MNAT1: variants seen among roughly 807,000 people sequenced by gnomAD.
MNAT1 encodes CDK-activating kinase assembly factor MAT1.
MNAT1 carries 43 observed loss-of-function variants against 42.0 expected under a neutral mutation model. The ratio of observed to expected loss-of-function variants is 1.02; its 90% CI spans 0.80 to 1.32. The LOEUF (loss-of-function observed/expected upper bound fraction) is 1.32, where lower values mean the gene tolerates loss of function less well. Among genes scored for constraint, MNAT1 ranks in the 40% most tolerant of loss-of-function variants. The probability of loss-of-function intolerance (pLI) is 0.00; values close to 1 mark genes in which losing one functional copy is unlikely to be tolerated. For missense variants in MNAT1, 306 were observed against 350.4 expected (o/e 0.87, Z 1.01); for synonymous variants, 118 against 120.0 (o/e 0.98, Z 0.11).
intron 6 of MNAT1, among the ~76,000 whole-genome samples, chr14:60,825,655 G>T (rs1329105018): frequency 6.6e-6 from 1 of 152,090 alleles, no homozygotes; most frequent in African/African-American, 2.4e-5. Flanking sequence ...TCTTTGAGAG[G>T]TTAGGTCACA....
chr14:60,889,766 C>A (rs1310592254), intron 7 of MNAT1, among the ~76,000 whole-genome samples: 1 of 152,046 alleles, frequency 6.6e-6, no homozygotes, highest in Non-Finnish European at 1.5e-5. Flanking sequence ...AAAAAACAAA[C>A]AACCCCATCA....
chr14:60,808,513 C>G, intron 4 of MNAT1, 85 bp downstream of exon 4: 1 of 798,438 alleles, frequency 1.3e-6, no homozygotes, highest in Non-Finnish European at 1.9e-6. Context: ...TTCCTTTAAA[C>G]CAGTTACATT....
intron 1 of MNAT1, among the ~76,000 whole-genome samples, chr14:60,764,603 T>C (rs2030738688): frequency 6.6e-6 from 1 of 152,190 alleles, no homozygotes; most frequent in Non-Finnish European, 1.5e-5. Flanking sequence ...TGAGAGGATT[T>C]GGTGATTCTG....
chr14:60,792,642 C>T (rs1186929548), intron 1 of MNAT1, among the ~76,000 whole-genome samples: 1 of 151,902 alleles, frequency 6.6e-6, no homozygotes, highest in Non-Finnish European at 1.5e-5. Flanking sequence ...TTCTTTTAGG[C>T]CAGTATGTTT....
chr14:60,787,956 A>C (rs2031703402), intron 1 of MNAT1, among the ~76,000 whole-genome samples: 1 of 152,114 alleles, frequency 6.6e-6, no homozygotes, highest in African/African-American at 2.4e-5. Context: ...TAATGTTAAT[A>C]TTTTTTATCT....
chr14:60,862,115 A>G (rs866023078), intron 6 of MNAT1, among the ~76,000 whole-genome samples: 1 of 152,312 alleles, frequency 6.6e-6, no homozygotes, highest in Middle Eastern at 3.4e-3. Flanking sequence ...CGTTTAAAAT[A>G]CAGATCTTTG....
At chr14:60,966,116 T>C (rs1011776526) in intron 7 of MNAT1, among the ~76,000 whole-genome samples, 1 of 152,068 alleles carries the variant, frequency 6.6e-6, no homozygotes, top group African/African-American at 2.4e-5. Context: ...ATCAAGAGTT[T>C]AACAACGACT....
rs374997842 is a variant in MNAT1 at position 60,968,290 on chromosome 14, C to G, written c.871C>G (p.Leu291Val). 7 of 1,613,894 alleles carry G rather than the reference C, an allele frequency of 4.3e-6. No individual in the cohort carries two copies. The highest frequency in any genetic ancestry group is 2.2e-5 in the East Asian group (1 of 44,886). ...QDLAGGYTSS[L>V]ACHRALQDAF... is the part of the protein sequence containing the mutation. Reference sequence around the variant, plus strand: ...CCTTGCTGGAGGCTATACTTCTTCTCTTGCTTGTCACAGAGCACTACAGGA... The same window carrying G: ...CCTTGCTGGAGGCTATACTTCTTCTGTTGCTTGTCACAGAGCACTACAGGA... Residue 291 changes from leucine (L) to valine (V), a missense_variant, in exon 8 of 8, where the codon CTT (leucine) becomes GTT (valine). By Grantham distance (32) the Leu-to-Val change is conservative. Coordinates refer to ENST00000261245, the MANE Select transcript of MNAT1 (RefSeq NM_002431.4).
chr14:60,945,709 CAT>C (rs1476328752), intron 7 of MNAT1, among the ~76,000 whole-genome samples: 1 of 151,974 alleles, frequency 6.6e-6, no homozygotes, highest in South Asian at 2.1e-4. Context: ...AATTTTAAAA[CAT>C]GTATGAATTA....
chr14:60,734,795 C>G lies in MNAT1; in HGVS notation c.-68C>G. The G allele has an allele frequency of 6.7e-7, 1 of 1,486,818 alleles. No individual in the cohort carries two copies. The highest frequency in any genetic ancestry group is 9.4e-7 in the Non-Finnish European group (1 of 1,066,696). 92.1% of individuals were successfully genotyped at this position (1,486,818 alleles called of 1,614,324 possible). A position where few individuals can be genotyped will look rare whatever the true frequency, so the allele number is the denominator to read the frequency against. ...TTGGTAGGAACCTGCTTGGTCGCGT[C>G]TGAGGGGGCTTGTAGGTGGCTCTGG... On this transcript the variant is annotated 5_prime_UTR_variant, in exon 1 of 8. Coordinates refer to ENST00000261245, the MANE Select transcript of MNAT1 (RefSeq NM_002431.4). The surrounding 1 kb of genome is among the most constrained non-coding windows in gnomAD (Gnocchi z 4.3).
intron 1 of MNAT1, chr14:60,780,316 C>T: frequency 6.5e-7 from 1 of 1,544,992 alleles, no homozygotes; most frequent in Non-Finnish European, 9.0e-7. Flanking sequence ...CAAAAGATGA[C>T]AGTGCACCCA....
intron 3 of MNAT1, among the ~76,000 whole-genome samples, chr14:60,802,628 T>G (rs747623387): frequency 1.4e-4 from 22 of 152,236 alleles, no homozygotes; most frequent in Non-Finnish European, 2.6e-4. Context: ...ACAGTGGGGA[T>G]AGATAAAGAG....
At chr14:60,902,846 T>G (rs1256269777) in intron 7 of MNAT1, among the ~76,000 whole-genome samples, 1 of 152,142 alleles carries the variant, frequency 6.6e-6, no homozygotes, top group East Asian at 1.9e-4. Flanking sequence ...TGAAAACTAT[T>G]AAATGTAATT....
At chr14:60,846,818 A>G (rs778482539) in intron 6 of MNAT1, among the ~76,000 whole-genome samples, 5 of 152,128 alleles carry the variant, frequency 3.3e-5, no homozygotes, top group Non-Finnish European at 7.4e-5. Context: ...TTTATTCTAT[A>G]TTTGGGAAGA....
chr14:60,921,294 C>T (rs2035654591), intron 7 of MNAT1, among the ~76,000 whole-genome samples: 1 of 152,112 alleles, frequency 6.6e-6, no homozygotes, highest in South Asian at 2.1e-4. Flanking sequence ...CTTGGAGTCA[C>T]ATGTATCTGT....
At chr14:60,738,941 A>T (rs1168089849) in intron 1 of MNAT1, among the ~76,000 whole-genome samples, 1 of 152,154 alleles carries the variant, frequency 6.6e-6, no homozygotes, top group Non-Finnish European at 1.5e-5. Flanking sequence ...TGTTAGTCTG[A>T]GAAGAGCAGG....
chr14:60,869,040 A>ATATATATATATATATATTTTTT (rs1465360826), intron 6 of MNAT1, among the ~76,000 whole-genome samples: 7 of 113,056 alleles, frequency 6.2e-5, no homozygotes, highest in Non-Finnish European at 9.1e-5. Flanking sequence ...ATATATATAT[A>ATATATATATATATATATTTTTT]TTTTTTTTTT....
chr14:60,916,660 A>G (rs2035521453), intron 7 of MNAT1, among the ~76,000 whole-genome samples: 1 of 151,850 alleles, frequency 6.6e-6, no homozygotes, highest in Admixed American at 6.6e-5. Context: ...GCCTCTAAAA[A>G]TTTAAAAAAG....
intron 1 of MNAT1, among the ~76,000 whole-genome samples, chr14:60,751,667 A>G (rs1051778173): frequency 6.6e-6 from 1 of 151,968 alleles, no homozygotes; most frequent in African/African-American, 2.4e-5. Flanking sequence ...AAATATATAT[A>G]TTCTCTACAA....
Sources: allele counts gnomAD v4.1 joint callset (sites outside exome capture counted in the v4.1 genomes callset), GRCh38; gene constraint gnomAD v4.1.1; non-coding constraint Gnocchi (gnomAD v3.1); transcripts MANE v1.5; gene names NCBI Gene and HGNC (gene_info 2026-07-23, HGNC 2026-07-21).